Variants in PRKN observed in about 807,000 individuals in gnomAD.
The protein encoded by PRKN is parkin RBR E3 ubiquitin protein ligase.
Under a neutral mutation model 59.5 loss-of-function variants are expected in PRKN, and 56 were observed. The observed-to-expected ratio is 0.94, with a 90% CI of 0.76 to 1.18. The LOEUF (loss-of-function observed/expected upper bound fraction) is 1.18. PRKN is among the 50% of genes most tolerant of loss of function. The pLI, the probability that PRKN is intolerant of heterozygous loss-of-function variation, is 0.00. For synonymous variants in PRKN, 250 were observed against 222.1 expected (o/e 1.13, Z -1.12); for missense variants, 657 against 596.4 (o/e 1.10, Z -1.06).
At chr6:162,222,388 G>C (rs543867431) in intron 3 of PRKN, among the ~76,000 whole-genome samples, 1 of 152,258 alleles carries the variant, frequency 6.6e-6, no homozygotes, top group South Asian at 2.1e-4. Context: ...TTGTGGAAAC[G>C]AAGATACGGA....
chr6:162,153,831 T>C (rs1460532070), intron 4 of PRKN, among the ~76,000 whole-genome samples: 1 of 152,098 alleles, frequency 6.6e-6, no homozygotes, highest in East Asian at 1.9e-4. Flanking sequence ...GTCCAGCCAT[T>C]TCCCCTCTCT....
chr6:162,529,717 G>A (rs187868916), intron 1 of PRKN, among the ~76,000 whole-genome samples: 2 of 152,178 alleles, frequency 1.3e-5, no homozygotes, highest in African/African-American at 2.4e-5. Context: ...GAATGTGTAG[G>A]ACAACTGAAG....
At position 161,361,669 on chromosome 6, in the gene PRKN, G is replaced by A. The variant is rs1007510539; in HGVS notation, c.1168-1464C>T. 3.9e-5 allele frequency among the ~76,000 whole-genome samples: 6 copies of A among 152,152 alleles called. No homozygotes were observed. The highest frequency in any genetic ancestry group is 8.8e-5 in the Non-Finnish European group (6 of 68,032). On this transcript the variant is annotated intron_variant, in intron 10 of 11. Coordinates refer to ENST00000366898, the MANE Select transcript of PRKN (RefSeq NM_004562.3). This position sits in a 1 kb window ranked among gnomAD's most constrained non-coding sequence, Gnocchi z 5.2. ...CTGGTCACTGGGTGAAGCCAATTTC[G>A]TTTCTGTTAATGAGCCATCATGGGC...
At chr6:162,158,283 G>A (rs1354399148) in intron 4 of PRKN, among the ~76,000 whole-genome samples, 1 of 151,950 alleles carries the variant, frequency 6.6e-6, no homozygotes, top group African/African-American at 2.4e-5. Flanking sequence ...AATGTTACAC[G>A]CTGAGCCTCT....
chr6:161,588,572 A>G lies in PRKN; in HGVS notation c.872-19156T>C, dbSNP rs1241929663. Among the ~76,000 whole-genome samples, 3 of 152,048 alleles carry G rather than the reference A, an allele frequency of 2.0e-5. No individual in the cohort carries two copies. The highest frequency in any genetic ancestry group is 4.4e-5 in the Non-Finnish European group (3 of 68,020). ...TGGAAAAGGGAAAGTGATGGCAATAAAAGTAAGGGCAAACTGGGAGGTGGG... is the reference window on the plus strand; with the variant it reads ...TGGAAAAGGGAAAGTGATGGCAATAGAAGTAAGGGCAAACTGGGAGGTGGG... On this transcript the variant is annotated intron_variant, in intron 7 of 11. Coordinates refer to ENST00000366898, the MANE Select transcript of PRKN (RefSeq NM_004562.3). This position sits in a 1 kb window ranked among gnomAD's most constrained non-coding sequence, Gnocchi z 5.0.
At chr6:161,512,737 C>A (rs762592676) in intron 9 of PRKN, among the ~76,000 whole-genome samples, 1 of 152,172 alleles carries the variant, frequency 6.6e-6, no homozygotes, top group African/African-American at 2.4e-5. Flanking sequence ...GTAGAGCAAA[C>A]GCGGAGAGGC....
chr6:162,330,733 CT>C (rs1238851186), intron 2 of PRKN, among the ~76,000 whole-genome samples: 1 of 152,206 alleles, frequency 6.6e-6, no homozygotes, highest in East Asian at 1.9e-4. Flanking sequence ...ACAAATCCCC[CT>C]GTTACTCTGC....
chr6:162,585,029 T>C, intron 1 of PRKN, among the ~76,000 whole-genome samples: 2 of 150,192 alleles, frequency 1.3e-5, no homozygotes. Context: ...GCCTCCCGAG[T>C]AGCTGAGATT....
chr6:162,559,639 A>G (rs528473685), intron 1 of PRKN, among the ~76,000 whole-genome samples: 2 of 152,324 alleles, frequency 1.3e-5, no homozygotes, highest in East Asian at 3.9e-4. Flanking sequence ...TCAGTTATAG[A>G]GGCTACATAA....
At chr6:161,614,345 A>G (rs1343825592) in intron 7 of PRKN, among the ~76,000 whole-genome samples, 7 of 152,360 alleles carry the variant, frequency 4.6e-5, no homozygotes, top group Non-Finnish European at 7.3e-5. Flanking sequence ...TTTTAAACCA[A>G]TTCACTGAGG....
At chr6:161,490,687 G>A (rs563321712) in intron 9 of PRKN, among the ~76,000 whole-genome samples, 7 of 152,106 alleles carry the variant, frequency 4.6e-5, no homozygotes, top group Admixed American at 2.0e-4. Context: ...CACTGTGCAC[G>A]GCCAGATCTC....
At chr6:161,693,884 C>A (rs1212962081) in intron 7 of PRKN, among the ~76,000 whole-genome samples, 1 of 152,130 alleles carries the variant, frequency 6.6e-6, no homozygotes, top group East Asian at 1.9e-4. Flanking sequence ...CCTTTTCCTG[C>A]AAGGGAAAAT....
chr6:162,467,064 T>C (rs1488818296), intron 1 of PRKN, among the ~76,000 whole-genome samples: 1 of 152,182 alleles, frequency 6.6e-6, no homozygotes, highest in Non-Finnish European at 1.5e-5. Context: ...ATTACGTTTA[T>C]TTATTAGTAT....
chr6:161,945,384 G>A (rs6910144), intron 6 of PRKN, among the ~76,000 whole-genome samples: 63,948 of 151,860 alleles, frequency 0.42, 13,655 homozygotes, highest in Middle Eastern at 0.59. Flanking sequence ...TGTTTTCTTT[G>A]AATGAGTACA....
At chr6:162,724,836 T>C (rs1451669439) in intron 1 of PRKN, among the ~76,000 whole-genome samples, 1 of 152,202 alleles carries the variant, frequency 6.6e-6, no homozygotes, top group East Asian at 1.9e-4. Context: ...ATCTAAGTAG[T>C]ACAACGAAGG....
At chr6:162,002,192 T>G (rs530029591) in intron 5 of PRKN, among the ~76,000 whole-genome samples, 1 of 152,196 alleles carries the variant, frequency 6.6e-6, no homozygotes, top group East Asian at 1.9e-4. Flanking sequence ...AGAAAGAATT[T>G]CTGCAGTTTC....
rs898936362 is a variant in PRKN at position 161,376,294 on chromosome 6, T to C, written c.1167+10500A>G. Among the ~76,000 whole-genome samples the C allele has an allele frequency of 1.3e-5, 2 of 152,122 alleles. No homozygotes were observed. The highest frequency in any genetic ancestry group is 4.8e-5 in the African/African-American group (2 of 41,418). On this transcript the variant is annotated intron_variant, in intron 10 of 11. Transcript: ENST00000366898. The surrounding 1 kb of genome is among the most constrained non-coding windows in gnomAD (Gnocchi z 7.3). ...TCGCTGGCTCCAGCCTGGATTCTCC[T>C]CTGAGGTGGTCTAGGCATCCACTCC...
At chr6:161,604,739 A>G (rs2128144469) in intron 7 of PRKN, among the ~76,000 whole-genome samples, 1 of 152,322 alleles carries the variant, frequency 6.6e-6, no homozygotes, top group African/African-American at 2.4e-5. Flanking sequence ...GTTCGAGACC[A>G]GCCTTGCTAA....
chr6:162,586,634 G>C (rs564035216), intron 1 of PRKN, among the ~76,000 whole-genome samples: 1 of 152,268 alleles, frequency 6.6e-6, no homozygotes, highest in Admixed American at 6.5e-5. Context: ...GCTATAAGCC[G>C]GTTCGTAATT....
Sources: allele counts gnomAD v4.1 joint callset (sites outside exome capture counted in the v4.1 genomes callset), GRCh38; gene constraint gnomAD v4.1.1; non-coding constraint Gnocchi (gnomAD v3.1); transcripts MANE v1.5; gene names NCBI Gene and HGNC (gene_info 2026-07-23, HGNC 2026-07-21).